Variants in CACNA1G observed in about 807,000 individuals in gnomAD.
CACNA1G encodes the protein calcium voltage-gated channel subunit alpha1 G.
In CACNA1G, 67 loss-of-function variants were observed where a neutral mutation model predicts 219.4. That is an observed-to-expected ratio of 0.31 (90% CI 0.25 to 0.37). The LOEUF is 0.37. CACNA1G is among the 10% of genes least tolerant of loss of function. The probability of loss-of-function intolerance (pLI) is 1.00; values close to 1 mark genes in which losing one functional copy is unlikely to be tolerated. For synonymous variants in CACNA1G, 1,296 were observed against 1,345.3 expected, an observed-to-expected ratio of 0.96 and a Z score of 0.80; for missense variants, 2,380 against 3,231.4, an observed-to-expected ratio of 0.74 and a Z score of 6.39.
intron 9 of CACNA1G, among the ~76,000 whole-genome samples, chr17:50,579,202 G>A (rs1306893728): frequency 1.3e-5 from 2 of 152,140 alleles, no homozygotes; most frequent in East Asian, 1.9e-4. Context: ...TCTAAGAACC[G>A]GGATGTTTAG....
chr17:50,572,789 C>A lies in CACNA1G; in HGVS notation c.982C>A (p.His328Asn). The change falls in exon 6 of 38, where the codon CAC becomes AAC. Residue 328 changes from histidine to asparagine, a missense_variant. By Grantham distance (68) the His-to-Asn change is moderately conservative. Transcript: ENST00000359106. ...QYYTNCSAGE[H>N]NPFKGAINFD... ...CTACACCAACTGCTCAGCGGGGGAG[C>A]ACAACCCCTTCAAGGGCGCCATCAA... 1 of 1,614,006 alleles carries A rather than the reference C, an allele frequency of 6.2e-7. No homozygotes were observed. Among genetic ancestry groups the A allele is most frequent in the South Asian group, 1.1e-5 (1 of 91,088 alleles).
chr17:50,591,113 T>C (rs1448183576), intron 10 of CACNA1G, among the ~76,000 whole-genome samples: 1 of 152,250 alleles, frequency 6.6e-6, no homozygotes. Context: ...GCTTTTGGAA[T>C]TGGCTTTAGA....
chr17:50,590,314 T>C (rs1295638495), intron 9 of CACNA1G, among the ~76,000 whole-genome samples, 157 bp from the exon 10 acceptor site: 1 of 152,124 alleles, frequency 6.6e-6, no homozygotes, highest in Non-Finnish European at 1.5e-5. Flanking sequence ...CTGGAGCCTT[T>C]GGGGCAGGGT....
At chr17:50,625,816 G>C (rs1264047527) in intron 37 of CACNA1G, among the ~76,000 whole-genome samples, 1 of 152,138 alleles carries the variant, frequency 6.6e-6, no homozygotes, top group Admixed American at 6.5e-5. Flanking sequence ...GGTTTAGTGG[G>C]GAGAGAGGAG....
At position 50,626,732 on chromosome 17, in the gene CACNA1G, C is replaced by T; in HGVS notation, c.7115C>T (p.Pro2372Leu). 1.2e-6 allele frequency: 2 copies of T among 1,613,244 alleles called. No individual in the cohort carries two copies. Among genetic ancestry groups the T allele is most frequent in the Non-Finnish European group, 1.7e-6 (2 of 1,179,898 alleles). The part of the protein sequence containing the change: ...VLSLSGLSSD[P>L]ADLDP ...AGTCTCTCCGGTTTATCCTCTGACC[C>T]AGCAGACCTGGACCCCTGAGTCCTG... is the stretch of plus-strand genomic sequence containing the variant. The change falls in exon 38 of 38, where the codon CCA becomes CTA. Residue 2372 changes from proline (P) to leucine (L), a missense_variant. Around this residue, in one of 17 missense-constraint regions of CACNA1G, gnomAD observed 672 missense variants for 670.5 expected, o/e 1.00. Transcript: ENST00000359106. The surrounding 1 kb of genome is among the most constrained non-coding windows in gnomAD (Gnocchi z 4.3).
In CACNA1G at chr17:50,578,615, G is replaced by C; in HGVS notation, c.2301+51G>C. The C allele has an allele frequency of 6.6e-7, 1 of 1,507,506 alleles. No individual in the cohort carries two copies. Among genetic ancestry groups the C allele is most frequent in the Non-Finnish European group, 8.9e-7 (1 of 1,126,918 alleles). The allele number at this position is 1,507,506 out of a possible 1,614,324, so 93.4% of individuals were successfully genotyped here. ...TCCTGCCAGCTGCTTTTCGCCTGGGGCTGGGGCCTTCTACCTCCCTCCGCA... is the reference window on the plus strand; with the variant it reads ...TCCTGCCAGCTGCTTTTCGCCTGGGCCTGGGGCCTTCTACCTCCCTCCGCA... On this transcript the variant is annotated intron_variant, in intron 9 of 37. Coordinates refer to ENST00000359106, the MANE Select transcript of CACNA1G (RefSeq NM_018896.5). The surrounding 1 kb of genome is among the most constrained non-coding windows in gnomAD (Gnocchi z 4.5).
chr17:50,607,433 C>T, intron 24 of CACNA1G: 1 of 342,442 alleles, frequency 2.9e-6, no homozygotes, highest in South Asian at 2.5e-5. Context: ...TTTGAGGCTG[C>T]AATAAGCTGT....
At chr17:50,602,794 C>T (rs1452686913) in intron 19 of CACNA1G, 26 bp from the exon 20 acceptor site, 1 of 1,609,270 alleles carries the variant, frequency 6.2e-7, no homozygotes, top group Non-Finnish European at 8.5e-7. Context: ...TCCTGGCGGG[C>T]AACCCCTGCC....
chr17:50,606,070 G>T lies in CACNA1G; in HGVS notation c.4422+47G>T, dbSNP rs1390244561. 3 of 1,613,290 alleles carry T rather than the reference G, an allele frequency of 1.9e-6. No individual in the cohort carries two copies. In the East Asian group the frequency reaches 6.7e-5, roughly 36 times the overall value. ...GGGGCTGTGGTGAAGGAGGCTGGAG[G>T]GGGCACAGGGCCATGCTTAGTGATA... On this transcript the variant is annotated intron_variant, in intron 23 of 37. Transcript: ENST00000359106.
Position 50,576,117 on chromosome 17 carries a change from C to A in CACNA1G, c.1715C>A (p.Pro572His). 1 of 1,600,814 alleles carries A rather than the reference C, an allele frequency of 6.2e-7. No individual in the cohort carries two copies. The change falls in exon 8 of 38, where the codon CCT becomes CAT. Residue 572 changes from proline (P) to histidine (H), a missense_variant. Pro to His is a moderately conservative substitution (Grantham distance 77). Around this residue, in one of 17 missense-constraint regions of CACNA1G, gnomAD observed 434 missense variants for 417.3 expected, o/e 1.04. Coordinates refer to ENST00000359106, the MANE Select transcript of CACNA1G (RefSeq NM_018896.5). ...HLEPVRCQAP[P>H]PRSPSEASGR... ...GAGCCAGTCCGCTGCCAGGCGCCCCCTCCCAGGTCCCCATCTGAGGCATCC... is the reference window on the plus strand; with the variant it reads ...GAGCCAGTCCGCTGCCAGGCGCCCCATCCCAGGTCCCCATCTGAGGCATCC...
rs1043013326 is a variant in CACNA1G at position 50,578,672 on chromosome 17, G to A, written c.2301+108G>A. 1.0e-5 allele frequency: 12 copies of A among 1,142,922 alleles called. No homozygotes were observed. The African/African-American group carries it at 1.6e-4, about 15-fold the overall frequency. 70.8% of individuals were successfully genotyped at this position (1,142,922 alleles called of 1,614,324 possible). ...CTCCTGAGCTCAGCTTCCTCTCCAT[G>A]CTGCTAGCCCACCTGGCAGGTAGGA... is the stretch of plus-strand genomic sequence containing the variant. On this transcript the variant is annotated intron_variant, in intron 9 of 37. Coordinates refer to ENST00000359106, the MANE Select transcript of CACNA1G (RefSeq NM_018896.5). This position sits in a 1 kb window ranked among gnomAD's most constrained non-coding sequence, Gnocchi z 4.5.
rs1486183602 is a variant in CACNA1G at position 50,618,152 on chromosome 17, G to T, written c.5305+26G>T. The T allele has an allele frequency of 6.2e-7, 1 of 1,613,338 alleles. No individual in the cohort carries two copies. The highest frequency in any genetic ancestry group is 1.3e-5 in the African/African-American group (1 of 74,874). Reference sequence around the variant, plus strand: ...GTGAGTTGGGGTAGGGGAGGGTGGAGGAGCCAGGGCTGGAGACCAGGGGGC... The same window carrying T: ...GTGAGTTGGGGTAGGGGAGGGTGGATGAGCCAGGGCTGGAGACCAGGGGGC... On this transcript the variant is annotated intron_variant, in intron 31 of 37. Coordinates refer to ENST00000359106, the MANE Select transcript of CACNA1G (RefSeq NM_018896.5). This position sits in a 1 kb window ranked among gnomAD's most constrained non-coding sequence, Gnocchi z 5.3.
chr17:50,622,878 G>C (rs1351847152), intron 35 of CACNA1G, among the ~76,000 whole-genome samples: 1 of 152,152 alleles, frequency 6.6e-6, no homozygotes, highest in East Asian at 1.9e-4. Context: ...AGGTCAGGGA[G>C]CCAGCTGTGA....
Position 50,616,318 on chromosome 17 carries a change from T to C in CACNA1G, c.4955T>C (p.Val1652Ala). ...ALKICNYIFT[V>A]IFVLESVFKL... The stretch of plus-strand genomic sequence containing the variant: ...AAGATCTGCAACTACATCTTCACTG[T>C]CATCTTTGTCTTGGAGTCAGTTTTC... Residue 1652 changes from valine (V) to alanine (A), a missense_variant, in exon 28 of 38, where the codon GTC becomes GCC. Physicochemically the swap from Val to Ala is moderately conservative, Grantham distance 64. Transcript: ENST00000359106. 1 of 1,613,842 alleles carries C rather than the reference T, an allele frequency of 6.2e-7. No homozygotes were observed. The highest frequency in any genetic ancestry group is 8.5e-7 in the Non-Finnish European group (1 of 1,179,738).
intron 9 of CACNA1G, among the ~76,000 whole-genome samples, chr17:50,582,454 T>A (rs778799304): frequency 5.9e-5 from 9 of 152,134 alleles, no homozygotes; most frequent in Non-Finnish European, 1.5e-5. Context: ...CAAGGATGAC[T>A]CCCAGGTTTC....
At position 50,572,788 on chromosome 17, in the gene CACNA1G, G is replaced by C; in HGVS notation, c.981G>C (p.Glu327Asp). 1 of 1,613,988 alleles carries C rather than the reference G, an allele frequency of 6.2e-7. No individual in the cohort carries two copies. Residue 327 changes from glutamate to aspartate, a missense_variant, in exon 6 of 38, where the codon GAG (glutamate) becomes GAC (aspartate). Transcript: ENST00000359106. ...ACTACACCAACTGCTCAGCGGGGGA[G>C]CACAACCCCTTCAAGGGCGCCATCA... is the stretch of plus-strand genomic sequence containing the variant. The part of the protein sequence containing the change: ...NQYYTNCSAG[E>D]HNPFKGAINF...
Position 50,618,444 on chromosome 17 carries a change from C to T in CACNA1G, c.5427+101C>T. The T allele has an allele frequency of 1.4e-6, 2 of 1,476,156 alleles. No homozygotes were observed. The highest frequency in any genetic ancestry group is 1.9e-6 in the Non-Finnish European group (2 of 1,071,680). 91.4% of individuals were successfully genotyped at this position (1,476,156 alleles called of 1,614,324 possible). A position where few individuals can be genotyped will look rare whatever the true frequency, so the allele number is the denominator to read the frequency against. ...TTGGCCACAAATAAAAGCATGTGAC[C>T]TTCTCTCCCCCGTGCTAGAACACTC... On this transcript the variant is annotated intron_variant, in intron 32 of 37. Transcript: ENST00000359106. This position sits in a 1 kb window ranked among gnomAD's most constrained non-coding sequence, Gnocchi z 5.3.
At chr17:50,625,905 T>C (rs1598872937) in intron 37 of CACNA1G, 112 bp from the exon 38 acceptor site, 20 of 1,193,158 alleles carry the variant, frequency 1.7e-5, no homozygotes, top group South Asian at 1.4e-4. Flanking sequence ...CTGCTTAGGA[T>C]AGTCCTGCTG....
At chr17:50,607,587 T>C in intron 24 of CACNA1G, 2 of 507,216 alleles carry the variant, frequency 3.9e-6, no homozygotes, top group Non-Finnish European at 3.5e-6. Context: ...TGGGCTTGCA[T>C]TCCCTCAAGG....
Sources: gnomAD v4.1 joint callset for allele counts (sites outside exome capture counted in the v4.1 genomes callset) on GRCh38, gnomAD v4.1.1 for gene constraint, gnomAD v4.1.1 regional missense constraint, Gnocchi (gnomAD v3.1) non-coding constraint, MANE v1.5 for transcripts, NCBI Gene and HGNC (gene_info 2026-07-23, HGNC 2026-07-21) for gene names.